Variants in TNPO2 observed in about 807,000 individuals in gnomAD.
TNPO2 encodes transportin-2.
In TNPO2, 16 loss-of-function variants were observed where a neutral mutation model predicts 111.1. That is an observed-to-expected ratio of 0.14 (90% CI 0.10 to 0.22). The LOEUF is 0.22. Among genes scored for constraint, TNPO2 ranks in the 10% least tolerant of loss-of-function variants. The probability of loss-of-function intolerance (pLI) is 1.00; values close to 1 mark genes in which losing one functional copy is unlikely to be tolerated. For synonymous variants in TNPO2, 481 were observed against 475.8 expected (o/e 1.01, Z -0.14); for missense variants, 530 against 1,173.7 (o/e 0.45, Z 8.01).
rs1284326969 is a variant in TNPO2, at chr19:12,701,924, G to T, written c.2412-73C>A. On this transcript the variant is annotated intron_variant, in intron 22 of 25. Coordinates refer to ENST00000425528, the MANE Select transcript of TNPO2 (RefSeq NM_001382241.1). The surrounding 1 kb of genome is among the most constrained non-coding windows in gnomAD (Gnocchi z 5.0). ...ATCTGTGGAGGGCTGGGTCACTGGGGATCAGTGAGTGGGCCTGGGACATGC... is the reference window on the plus strand; with the variant it reads ...ATCTGTGGAGGGCTGGGTCACTGGGTATCAGTGAGTGGGCCTGGGACATGC... 2.1e-6 allele frequency: 3 copies of T among 1,447,800 alleles called. No individual in the cohort carries two copies. The highest frequency in any genetic ancestry group is 1.1e-5 in the South Asian group (1 of 87,624). The allele number at this position is 1,447,800 out of a possible 1,614,324, so 89.7% of individuals were successfully genotyped here.
rs780179696 is a variant in TNPO2 at position 12,705,220 on chromosome 19, T to C, written c.2022+20A>G. On this transcript the variant is annotated intron_variant, in intron 18 of 25. Transcript: ENST00000425528. The surrounding 1 kb of genome is among the most constrained non-coding windows in gnomAD (Gnocchi z 7.2). ...CACGCAGGCTGCTGGGTGTCATCAC[T>C]GTCCAGGGTCCCCACCCACCTGCAT... 2.5e-6 allele frequency: 4 copies of C among 1,593,440 alleles called. No homozygotes were observed. The Admixed American group carries it at 6.9e-5, about 28-fold the overall frequency.
At chr19:12,708,741 G>C (rs1165491664) in intron 13 of TNPO2, among the ~76,000 whole-genome samples, 1 of 152,036 alleles carries the variant, frequency 6.6e-6, no homozygotes, top group Non-Finnish European at 1.5e-5. Context: ...TGCGGTGGTG[G>C]ACACCTGTAA....
chr19:12,704,609 G>A (rs540822658), intron 18 of TNPO2, among the ~76,000 whole-genome samples: 12 of 152,290 alleles, frequency 7.9e-5, no homozygotes, highest in African/African-American at 2.6e-4. Context: ...TGAATCTTGG[G>A]ATGTAGAACC....
In TNPO2 at chr19:12,705,143, C is replaced by T. The variant is rs1200749725; in HGVS notation, c.2022+97G>A. ...TAAAATAATTAGAACAGCACCTTTT[C>T]CCTGATTTCCTTTGGGCACAACCAG... On this transcript the variant is annotated intron_variant, in intron 18 of 25. Transcript: ENST00000425528. The surrounding 1 kb of genome is among the most constrained non-coding windows in gnomAD (Gnocchi z 7.2). 3.1e-6 allele frequency: 4 copies of T among 1,273,942 alleles called. No individual in the cohort carries two copies. The highest frequency in any genetic ancestry group is 3.3e-6 in the Non-Finnish European group (3 of 915,410). 78.9% of individuals were successfully genotyped at this position (1,273,942 alleles called of 1,614,324 possible).
chr19:12,711,871 T>TG (rs1243528437), intron 10 of TNPO2, among the ~76,000 whole-genome samples: 5 of 151,766 alleles, frequency 3.3e-5, no homozygotes, highest in Admixed American at 1.3e-4. Context: ...GAAAGGTTTT[T>TG]TTTTTTTTTT....
chr19:12,721,203 G>A lies in TNPO2; in HGVS notation c.-13-213C>T. The stretch of plus-strand genomic sequence containing the variant: ...GCGGGCTCGGGAGCGCGGGAGGGGG[G>A]ATGTGGAAACGGGCCACAGGCGGCG... On this transcript the variant is annotated intron_variant, in intron 2 of 25. Coordinates refer to ENST00000425528, the MANE Select transcript of TNPO2 (RefSeq NM_001382241.1). This position sits in a 1 kb window ranked among gnomAD's most constrained non-coding sequence, Gnocchi z 4.9. The A allele has an allele frequency of 1.5e-6, 2 of 1,375,886 alleles. No individual in the cohort carries two copies. Among genetic ancestry groups the A allele is most frequent in the South Asian group, 1.6e-5 (1 of 63,942 alleles). 85.2% of individuals were successfully genotyped at this position (1,375,886 alleles called of 1,614,324 possible). A position where few individuals can be genotyped will look rare whatever the true frequency, so the allele number is the denominator to read the frequency against.
At chr19:12,720,691 T>A (rs2026634277) in intron 3 of TNPO2, among the ~76,000 whole-genome samples, 188 bp downstream of exon 3, 1 of 152,178 alleles carries the variant, frequency 6.6e-6, no homozygotes, top group Admixed American at 6.6e-5. Flanking sequence ...CATCATTTTC[T>A]ATAACAATCC....
Position 12,715,808 on chromosome 19 carries a change from G to A in TNPO2, c.326-69C>T. 3.1e-6 allele frequency: 4 copies of A among 1,270,680 alleles called. No homozygotes were observed. The highest frequency in any genetic ancestry group is 4.4e-6 in the Non-Finnish European group (4 of 901,346). The allele number at this position is 1,270,680 out of a possible 1,614,324, so 78.7% of individuals were successfully genotyped here. ...CTGCCTAGCACCTCCCCCTCCCACTGGACACCCCCAGTGCTGCCTTTCTGT... is the reference window on the plus strand; with the variant it reads ...CTGCCTAGCACCTCCCCCTCCCACTAGACACCCCCAGTGCTGCCTTTCTGT... On this transcript the variant is annotated intron_variant, in intron 5 of 25. Transcript: ENST00000425528. This position sits in a 1 kb window ranked among gnomAD's most constrained non-coding sequence, Gnocchi z 7.1.
In TNPO2 at chr19:12,711,607, G is replaced by A. The variant is rs752015165; in HGVS notation, c.897C>T (p.Ile299=). Residue 299 remains isoleucine, a synonymous_variant, in exon 11 of 26, where the codon ATC becomes ATT. Transcript: ENST00000425528. ...EVLASHLVQL[I]PILVNGMKYS... ...ACTTCATCCCATTCACCAAGATGGG[G>A]ATCAACCTGCACAGAGAGGGACTGT... 2 of 1,613,430 alleles carry A rather than the reference G, an allele frequency of 1.2e-6. No individual in the cohort carries two copies. Among genetic ancestry groups the A allele is most frequent in the Non-Finnish European group, 1.7e-6 (2 of 1,179,670 alleles).
chr19:12,706,894 T>C lies in TNPO2; in HGVS notation c.1271-99A>G. 1 of 1,020,918 alleles carries C rather than the reference T, an allele frequency of 9.8e-7. No individual in the cohort carries two copies. Among genetic ancestry groups the C allele is most frequent in the South Asian group, 1.5e-5 (1 of 66,106 alleles). 63.2% of individuals were successfully genotyped at this position (1,020,918 alleles called of 1,614,324 possible). ...AGCCGCACACAACATATAGGGAAACTGAGGCTTAGAGTTTAAATCACTGGC... is the reference window on the plus strand; with the variant it reads ...AGCCGCACACAACATATAGGGAAACCGAGGCTTAGAGTTTAAATCACTGGC... On this transcript the variant is annotated intron_variant, in intron 13 of 25. Transcript: ENST00000425528. The surrounding 1 kb of genome is among the most constrained non-coding windows in gnomAD (Gnocchi z 7.0).
chr19:12,715,229 G>T lies in TNPO2; in HGVS notation c.648+14C>A, dbSNP rs1297426703. The stretch of plus-strand genomic sequence containing the variant: ...TCAGTCCTCGCCCTGCCCACCCCCA[G>T]CCCAGCGGCCCACCTCGATGAAGGT... On this transcript the variant is annotated intron_variant, in intron 8 of 25. Coordinates refer to ENST00000425528, the MANE Select transcript of TNPO2 (RefSeq NM_001382241.1). The surrounding 1 kb of genome is among the most constrained non-coding windows in gnomAD (Gnocchi z 7.1). 6.2e-7 allele frequency: 1 copy of T among 1,613,784 alleles called. No individual in the cohort carries two copies. Among genetic ancestry groups the T allele is most frequent in the South Asian group, 1.1e-5 (1 of 91,064 alleles).
chr19:12,703,029 C>G, intron 20 of TNPO2, 111 bp from the exon 21 acceptor site: 1 of 917,470 alleles, frequency 1.1e-6, no homozygotes, highest in Non-Finnish European at 1.7e-6. Flanking sequence ...GACTGGCCAA[C>G]CACTACCAGT....
chr19:12,715,592 C>A lies in TNPO2; in HGVS notation c.432+41G>T, dbSNP rs762275181. The A allele has an allele frequency of 1.2e-6, 2 of 1,613,440 alleles. No homozygotes were observed. Among genetic ancestry groups the A allele is most frequent in the South Asian group, 1.1e-5 (1 of 91,048 alleles). ...GTGGGTGGTGGGTGGTGGTCCCAGC[C>A]CCCCAGTACTCGCTCTGGCCATCCA... On this transcript the variant is annotated intron_variant, in intron 6 of 25. Transcript: ENST00000425528. This position sits in a 1 kb window ranked among gnomAD's most constrained non-coding sequence, Gnocchi z 7.1.
chr19:12,720,015 A>G (rs2026585586), intron 3 of TNPO2, among the ~76,000 whole-genome samples: 1 of 151,150 alleles, frequency 6.6e-6, no homozygotes, highest in African/African-American at 2.4e-5. Flanking sequence ...TCATGGTTTA[A>G]ATATTTATTT....
In TNPO2 at chr19:12,711,601, G is replaced by A; in HGVS notation, c.903C>T (p.Ile301=). The change falls in exon 11 of 26, where the codon ATC becomes ATT. Residue 301 remains isoleucine, a synonymous_variant. Coordinates refer to ENST00000425528, the MANE Select transcript of TNPO2 (RefSeq NM_001382241.1). ...CCGAGTACTTCATCCCATTCACCAA[G>A]ATGGGGATCAACCTGCACAGAGAGG... ...LASHLVQLIP[I]LVNGMKYSEI... 6.2e-7 allele frequency: 1 copy of A among 1,613,660 alleles called. No homozygotes were observed.
chr19:12,701,373 C>CT lies in TNPO2; in HGVS notation c.2666dup (p.Arg890GlufsTer44). ...AGACCCCATAGAAAGCCGCCAGCCT[C>CT]TCCTTGAGCAGCGGCGGGAATTGCT... On this transcript the variant is annotated frameshift_variant, in exon 25 of 26. Coordinates refer to ENST00000425528, the MANE Select transcript of TNPO2 (RefSeq NM_001382241.1). LOFTEE classifies it high-confidence loss of function. The surrounding 1 kb of genome is among the most constrained non-coding windows in gnomAD (Gnocchi z 5.0). The CT allele has an allele frequency of 6.2e-7, 1 of 1,614,024 alleles. No individual in the cohort carries two copies. The highest frequency in any genetic ancestry group is 8.5e-7 in the Non-Finnish European group (1 of 1,179,886).
In TNPO2 at chr19:12,700,249, G is replaced by T. The variant is rs1374567309; in HGVS notation, c.*1015C>A. 1 of 150,658 alleles carries T rather than the reference G, an allele frequency of 6.6e-6. No individual in the cohort carries two copies. Among genetic ancestry groups the T allele is most frequent in the Admixed American group, 6.6e-5 (1 of 15,086 alleles). 9.3% of individuals were successfully genotyped at this position (150,658 alleles called of 1,614,324 possible). A position where few individuals can be genotyped will look rare whatever the true frequency, so the allele number is the denominator to read the frequency against. ...CATCAATTAAACGCCCCTGCCCCAG[G>T]CCTTGAGTTAAAACTGGGGCCTGAA... On this transcript the variant is annotated 3_prime_UTR_variant, in exon 26 of 26. Coordinates refer to ENST00000425528, the MANE Select transcript of TNPO2 (RefSeq NM_001382241.1).
In TNPO2 at chr19:12,701,048, T is replaced by C; in HGVS notation, c.*216A>G. Reference sequence around the variant, plus strand: ...CAGAAGTCCCCCCCACCTCCCCGTTTGTAGGATGAGCATGGTGGCCCCACC... The same window carrying C: ...CAGAAGTCCCCCCCACCTCCCCGTTCGTAGGATGAGCATGGTGGCCCCACC... On this transcript the variant is annotated 3_prime_UTR_variant, in exon 26 of 26. Coordinates refer to ENST00000425528, the MANE Select transcript of TNPO2 (RefSeq NM_001382241.1). The surrounding 1 kb of genome is among the most constrained non-coding windows in gnomAD (Gnocchi z 5.0). 3.0e-6 allele frequency: 1 copy of C among 328,738 alleles called. No homozygotes were observed. Among genetic ancestry groups the C allele is most frequent in the Admixed American group, 4.5e-5 (1 of 22,354 alleles). The allele number at this position is 328,738 out of a possible 1,614,324, so 20.4% of individuals were successfully genotyped here.
In TNPO2 at chr19:12,723,822, G is replaced by C. The variant is rs1254855419; in HGVS notation, c.-184C>G. 3 of 152,166 alleles carry C rather than the reference G, an allele frequency of 2.0e-5. No homozygotes were observed. The highest frequency in any genetic ancestry group is 2.1e-4 in the South Asian group (1 of 4,830). The allele number at this position is 152,166 out of a possible 1,614,324, so 9.4% of individuals were successfully genotyped here. On this transcript the variant is annotated 5_prime_UTR_variant, in exon 1 of 26. Coordinates refer to ENST00000425528, the MANE Select transcript of TNPO2 (RefSeq NM_001382241.1). The stretch of plus-strand genomic sequence containing the variant: ...CGTTCATTCATGAAAATCAAGTCCC[G>C]GGCCTCCAAGGTTAGGGAAGTGTCG...
Sources: gnomAD v4.1 joint callset for allele counts (sites outside exome capture counted in the v4.1 genomes callset) on GRCh38, gnomAD v4.1.1 for gene constraint, Gnocchi (gnomAD v3.1) non-coding constraint, MANE v1.5 for transcripts, NCBI Gene and HGNC (gene_info 2026-07-23, HGNC 2026-07-21) for gene names.